The following NELL1 variants were observed in gnomAD, a reference collection of about 807,000 sequenced individuals.
NELL1 encodes neural EGFL like 1.
A neutral mutation model predicts 107.4 loss-of-function variants in NELL1; 76 were observed. The observed-to-expected ratio is 0.71, with a 90% confidence interval of 0.59 to 0.86. The LOEUF is 0.86. Ranked by LOEUF, NELL1 falls within the 40% of genes least tolerant of loss-of-function variation. The pLI, the probability that NELL1 is intolerant of heterozygous loss-of-function variation, is 0.00. For missense variants in NELL1, 1,024 were observed against 1,005.5 expected, an observed-to-expected ratio of 1.02 and a Z score of -0.25; for synonymous variants, 353 against 341.2, an observed-to-expected ratio of 1.03 and a Z score of -0.38.
chr11:21,573,099 C>T (rs1344293329), intron 18 of NELL1, 86 bp from the exon 19 acceptor site: 19 of 975,924 alleles, frequency 1.9e-5, no homozygotes, highest in Non-Finnish European at 2.2e-5. Flanking sequence ...ATGAGAATTA[C>T]TGTGCTCTCT....
chr11:20,861,768 G>C (rs1848984118), intron 4 of NELL1, among the ~76,000 whole-genome samples: 1 of 152,290 alleles, frequency 6.6e-6, no homozygotes, highest in African/African-American at 2.4e-5. Context: ...TAGTTTAGTG[G>C]TTCCGAGCAT....
chr11:20,901,435 C>T (rs912629111), intron 5 of NELL1, among the ~76,000 whole-genome samples: 13 of 151,842 alleles, frequency 8.6e-5, no homozygotes, highest in African/African-American at 2.9e-4. Context: ...TATGAAAAAC[C>T]ACTGAAGACC....
rs148726518 is a variant in NELL1, at chr11:20,816,595, T to A, written c.336-30988T>A. Reference sequence around the variant, plus strand: ...ATGGAATCGTGTTGTCAACAAAGAATTTAAATCCTTCTTTTCATATTTGGA... The same window carrying A: ...ATGGAATCGTGTTGTCAACAAAGAAATTAAATCCTTCTTTTCATATTTGGA... On this transcript the variant is annotated intron_variant, in intron 3 of 19. Transcript: ENST00000357134. 1.0e-2 allele frequency among the ~76,000 whole-genome samples: 1,519 copies of A among 152,156 alleles called. 14 individuals are homozygous for A. The highest frequency in any genetic ancestry group is 0.027 in the Middle Eastern group (8 of 294).
At chr11:21,466,634 G>T (rs552643157) in intron 15 of NELL1, among the ~76,000 whole-genome samples, 1 of 152,244 alleles carries the variant, frequency 6.6e-6, no homozygotes, top group South Asian at 2.1e-4. Flanking sequence ...TGGGACCCCA[G>T]TGCATAAAAT....
chr11:21,215,029 A>G (rs972849243), intron 13 of NELL1, among the ~76,000 whole-genome samples: 1 of 152,162 alleles, frequency 6.6e-6, no homozygotes, highest in African/African-American at 2.4e-5. Flanking sequence ...TAGGATGCTG[A>G]TATGGTTTGG....
chr11:21,329,442 A>G (rs1590842158), intron 14 of NELL1, among the ~76,000 whole-genome samples: 1 of 152,134 alleles, frequency 6.6e-6, no homozygotes, highest in Non-Finnish European at 1.5e-5. Flanking sequence ...CCCAGTCTTG[A>G]GTATGCCTTT....
chr11:21,524,743 G>T (rs1192481380), intron 15 of NELL1, among the ~76,000 whole-genome samples: 2 of 152,210 alleles, frequency 1.3e-5, no homozygotes, highest in East Asian at 3.9e-4. Context: ...ATTACTAGAG[G>T]AGCAGGATAT....
intron 2 of NELL1, among the ~76,000 whole-genome samples, chr11:20,714,365 G>A (rs948052904): frequency 6.5e-4 from 8 of 12,398 alleles, no homozygotes; most frequent in South Asian, 0.033. Context: ...CACCACGCCC[G>A]GCATTTTTTT....
intron 2 of NELL1, among the ~76,000 whole-genome samples, chr11:20,704,047 C>T (rs918395028): frequency 6.6e-6 from 1 of 152,028 alleles, no homozygotes; most frequent in Non-Finnish European, 1.5e-5. Context: ...GAGTTCAATT[C>T]CCGGGTATCC....
At chr11:21,037,898 T>C (rs1853135581) in intron 12 of NELL1, among the ~76,000 whole-genome samples, 2 of 152,204 alleles carry the variant, frequency 1.3e-5, no homozygotes, top group East Asian at 3.9e-4. Context: ...TGTCCCCAGT[T>C]CTTTTTGACT....
intron 15 of NELL1, among the ~76,000 whole-genome samples, chr11:21,514,063 A>G (rs1396175346): frequency 6.6e-6 from 1 of 152,226 alleles, no homozygotes; most frequent in Admixed American, 6.5e-5. Context: ...CTTTAATTCA[A>G]AACAACTCGA....
chr11:20,745,756 T>C (rs898776318), intron 2 of NELL1, among the ~76,000 whole-genome samples: 1 of 152,170 alleles, frequency 6.6e-6, no homozygotes, highest in African/African-American at 2.4e-5. Context: ...GTGGGCCACA[T>C]TTGAAGGGTG....
At chr11:21,113,560 C>T (rs751273841) in intron 12 of NELL1, 29 bp from the exon 13 acceptor site, 1 of 1,600,158 alleles carries the variant, frequency 6.2e-7, no homozygotes, top group Non-Finnish European at 8.5e-7. Flanking sequence ...TTTTGCTAAC[C>T]ATGATCTTAC....
chr11:20,747,059 C>T (rs1168903544), intron 2 of NELL1, among the ~76,000 whole-genome samples: 1 of 152,126 alleles, frequency 6.6e-6, no homozygotes, highest in South Asian at 2.1e-4. Context: ...CAATTACATG[C>T]CTGACTTCCT....
intron 2 of NELL1, among the ~76,000 whole-genome samples, chr11:20,758,611 C>T (rs1856350029): frequency 6.6e-6 from 1 of 152,148 alleles, no homozygotes; most frequent in Non-Finnish European, 1.5e-5. Flanking sequence ...AGAGAATTCC[C>T]AAAGTAGTGG....
intron 14 of NELL1, among the ~76,000 whole-genome samples, chr11:21,297,969 C>A (rs1849407930): frequency 6.6e-6 from 1 of 151,906 alleles, no homozygotes; most frequent in Non-Finnish European, 1.5e-5. Flanking sequence ...GGGCTGCCAT[C>A]ACCTGCCCAT....
At chr11:21,291,866 A>G (rs1849271664) in intron 14 of NELL1, among the ~76,000 whole-genome samples, 1 of 152,224 alleles carries the variant, frequency 6.6e-6, no homozygotes, top group South Asian at 2.1e-4. Flanking sequence ...GCCTTTGACA[A>G]AACTCAACAC....
At chr11:20,693,365 C>T (rs1854522540) in intron 2 of NELL1, among the ~76,000 whole-genome samples, 2 of 151,838 alleles carry the variant, frequency 1.3e-5, no homozygotes, top group Non-Finnish European at 2.9e-5. Flanking sequence ...TTAGTTGATG[C>T]AGTTTCTTCC....
intron 16 of NELL1, among the ~76,000 whole-genome samples, chr11:21,541,203 T>A (rs1856284902): frequency 1.3e-5 from 2 of 152,158 alleles, no homozygotes; most frequent in South Asian, 4.1e-4. Flanking sequence ...CAAGATGACA[T>A]ACAGCTATTC....
Sources: allele counts gnomAD v4.1 joint callset (sites outside exome capture counted in the v4.1 genomes callset), GRCh38; gene constraint gnomAD v4.1.1; transcripts MANE v1.5; gene names NCBI Gene and HGNC (gene_info 2026-07-23, HGNC 2026-07-21).